PTBP1: variants seen among roughly 807,000 people sequenced by gnomAD.
PTBP1 encodes the protein polypyrimidine tract binding protein 1.
PTBP1 carries 8 observed loss-of-function variants against 59.8 expected under a neutral mutation model. That is an observed-to-expected ratio of 0.13 (90% CI 0.08 to 0.24). The LOEUF is 0.24. Ranked by LOEUF, PTBP1 falls within the 10% of genes least tolerant of loss-of-function variation. The pLI is 1.00. For missense variants in PTBP1, 686 were observed against 767.0 expected (o/e 0.89, Z 1.25); for synonymous variants, 490 against 320.7 (o/e 1.53, Z -5.64).
At chr19:807,017 C>T (rs1295525576) in intron 10 of PTBP1, 1 of 154,356 alleles carries the variant, frequency 6.5e-6, no homozygotes, top group East Asian at 1.9e-4. Context: ...AACAAGAGGC[C>T]CAAAATATGT....
chr19:805,274 CTGCACCAGGGTGA>C, intron 8 of PTBP1, 87 bp downstream of exon 8: 1 of 1,482,968 alleles, frequency 6.7e-7, no homozygotes, highest in Non-Finnish European at 9.2e-7. Flanking sequence ...GGGCCCGGCC[CTGCACCAGGGTGA>C]TGCACCTGCT....
intron 10 of PTBP1, chr19:806,790 T>C: frequency 4.4e-6 from 2 of 457,612 alleles, no homozygotes; most frequent in South Asian, 8.9e-5. Context: ...GCAGAATGAA[T>C]TATTTTTTGG....
At chr19:804,991 C>G (rs937111048) in intron 7 of PTBP1, 22 bp from the exon 8 acceptor site, 6 of 1,612,694 alleles carry the variant, frequency 3.7e-6, no homozygotes, top group Non-Finnish European at 5.1e-6. Flanking sequence ...CCGGCGACGT[C>G]TCACGGTCCC....
Position 799,398 on chromosome 19 carries a change from T to C in PTBP1, c.9-15T>C, listed in dbSNP as rs369703417. ...GCCACCAGGCTAACGTTGTCTCCTT[T>C]CTTTCTCTCTACAGCATTGTCCCAG... On this transcript the variant is annotated splice_polypyrimidine_tract_variant and intron_variant, in intron 1 of 14. Transcript: ENST00000356948. The C allele has an allele frequency of 1.5e-5, 25 of 1,613,568 alleles. No individual in the cohort carries two copies. The highest frequency in any genetic ancestry group is 2.2e-5 in the East Asian group (1 of 44,900).
intron 9 of PTBP1, chr19:806,194 C>A (rs1211011935): frequency 4.0e-6 from 2 of 497,172 alleles, no homozygotes; most frequent in Non-Finnish European, 7.0e-6. Context: ...CCGGCCCGGC[C>A]CGTGCTGTGA....
At chr19:799,033 C>T (rs1275906837) in intron 1 of PTBP1, among the ~76,000 whole-genome samples, 3 of 152,222 alleles carry the variant, frequency 2.0e-5, no homozygotes, top group East Asian at 3.9e-4. Flanking sequence ...TCAGCCTCTC[C>T]GAGGCGTTTC....
At position 811,236 on chromosome 19, in the gene PTBP1, A is replaced by G. The variant is rs551799960; in HGVS notation, c.*410A>G. 4.5e-5 allele frequency: 7 copies of G among 155,800 alleles called. No homozygotes were observed. Among genetic ancestry groups the G allele is most frequent in the Non-Finnish European group, 9.9e-5 (7 of 70,466 alleles). 9.7% of individuals were successfully genotyped at this position (155,800 alleles called of 1,614,324 possible). A position where few individuals can be genotyped will look rare whatever the true frequency, so the allele number is the denominator to read the frequency against. Reference sequence around the variant, plus strand: ...ACCCAAGGGGTGGGGGGGTCACACCAGAGAGAGGCAGGGGGCCTGGCCGGC... The same window carrying G: ...ACCCAAGGGGTGGGGGGGTCACACCGGAGAGAGGCAGGGGGCCTGGCCGGC... On this transcript the variant is annotated 3_prime_UTR_variant, in exon 15 of 15. Coordinates refer to ENST00000356948, the MANE Select transcript of PTBP1 (RefSeq NM_002819.5).
At position 810,924 on chromosome 19, in the gene PTBP1, A is replaced by G; in HGVS notation, c.*98A>G. On this transcript the variant is annotated 3_prime_UTR_variant, in exon 15 of 15. Coordinates refer to ENST00000356948, the MANE Select transcript of PTBP1 (RefSeq NM_002819.5). ...AGCTGAAGTGACCTTAGCAGACCAGAGATTTTATTTTTTTAAAGAGAAATC... is the reference window on the plus strand; with the variant it reads ...AGCTGAAGTGACCTTAGCAGACCAGGGATTTTATTTTTTTAAAGAGAAATC... 8.3e-7 allele frequency: 1 copy of G among 1,211,020 alleles called. No individual in the cohort carries two copies. Among genetic ancestry groups the G allele is most frequent in the Non-Finnish European group, 1.1e-6 (1 of 901,874 alleles). 75.0% of individuals were successfully genotyped at this position (1,211,020 alleles called of 1,614,324 possible).
chr19:802,116 A>G (rs2034361023), intron 2 of PTBP1, among the ~76,000 whole-genome samples: 1 of 151,766 alleles, frequency 6.6e-6, no homozygotes, highest in Non-Finnish European at 1.5e-5. Context: ...TGCTTGTGGG[A>G]TTGGTGGGAG....
At chr19:799,243 C>T (rs2034221509) in intron 1 of PTBP1, 170 bp from the exon 2 acceptor site, 4 of 752,272 alleles carry the variant, frequency 5.3e-6, no homozygotes, top group Middle Eastern at 3.5e-4. Flanking sequence ...GGACGGCTCA[C>T]TTCCCTGCCC....
chr19:809,182 T>C (rs2034729173), intron 13 of PTBP1, among the ~76,000 whole-genome samples: 2 of 152,268 alleles, frequency 1.3e-5, no homozygotes, highest in East Asian at 3.9e-4. Context: ...CTAATTTTTG[T>C]ATTTTTAGTA....
At chr19:804,966 CGCCCTG>C (rs747794719) in intron 7 of PTBP1, 27 bp downstream of exon 7, 16 of 1,612,136 alleles carry the variant, frequency 9.9e-6, no homozygotes, top group Middle Eastern at 1.7e-4. Context: ...GGACGGCGCC[CGCCCTG>C]GCCCTGGCCC....
Position 802,288 on chromosome 19 carries a change from T to C in PTBP1, c.40-1273T>C, listed in dbSNP as rs2034368954. Among the ~76,000 whole-genome samples, 2 of 152,168 alleles carry C rather than the reference T, an allele frequency of 1.3e-5. 1 individual carries two copies. The highest frequency in any genetic ancestry group is 4.8e-5 in the African/African-American group (2 of 41,444). ...GGCAGTCTTCCTTCCAGGAAGCTCT[T>C]GAGCCAGGGCCAGGGCAGGAGTGGA... On this transcript the variant is annotated intron_variant, in intron 2 of 14. Transcript: ENST00000356948.
intron 2 of PTBP1, 41 bp from the exon 3 acceptor site, chr19:803,520 C>G: frequency 6.4e-7 from 1 of 1,574,354 alleles, no homozygotes; most frequent in Non-Finnish European, 8.7e-7. Flanking sequence ...AGGCTCTGGC[C>G]TGGTGGGAAG....
intron 10 of PTBP1, 60 bp downstream of exon 10, chr19:806,616 T>C (rs182769405): frequency 7.0e-7 from 1 of 1,428,596 alleles, no homozygotes; most frequent in East Asian, 2.8e-5. Context: ...GGGGATGTTG[T>C]GCTCGGGCTC....
rs780078225 is a variant in PTBP1, at chr19:810,684, T to A, written c.1542-10T>A. 12 of 1,611,776 alleles carry A rather than the reference T, an allele frequency of 7.4e-6. No individual in the cohort carries two copies. In the Admixed American group the frequency reaches 2.0e-4, roughly 27 times the overall value. On this transcript the variant is annotated splice_polypyrimidine_tract_variant and intron_variant, in intron 14 of 14. Coordinates refer to ENST00000356948, the MANE Select transcript of PTBP1 (RefSeq NM_002819.5). ...TGCCCTGCGGCCGGCCCTGACCCCC[T>A]GTCTTGCAGGAAGGACCGCAAGATG... is the stretch of plus-strand genomic sequence containing the variant.
At position 805,050 on chromosome 19, in the gene PTBP1, C is replaced by T. The variant is rs1298560988; in HGVS notation, c.755C>T (p.Thr252Met). 1.9e-6 allele frequency: 3 copies of T among 1,613,708 alleles called. No homozygotes were observed. Among genetic ancestry groups the T allele is most frequent in the South Asian group, 1.1e-5 (1 of 91,092 alleles). ...DGQNIYNACC[T>M]LRIDFSKLTS... ...CAGAACATCTACAACGCCTGCTGCA[C>T]GCTGCGCATCGACTTTTCCAAGCTC... is the stretch of plus-strand genomic sequence containing the variant. Residue 252 changes from threonine (T) to methionine (M), a missense_variant, in exon 8 of 15, where the codon ACG (threonine) becomes ATG (methionine). By Grantham distance (81) the Thr-to-Met change is moderately conservative. Transcript: ENST00000356948.
intron 9 of PTBP1, chr19:805,878 C>T (rs1028109320): frequency 4.8e-6 from 2 of 415,334 alleles, no homozygotes; most frequent in South Asian, 4.9e-5. Flanking sequence ...AGGGATGTCT[C>T]TAGTAGTTGA....
At chr19:807,307 C>T (rs2034629008) in intron 10 of PTBP1, 1 of 153,446 alleles carries the variant, frequency 6.5e-6, no homozygotes, top group African/African-American at 2.4e-5. Flanking sequence ...TGCTGCAGGG[C>T]TTGGCTGAGG....
Sources: allele counts gnomAD v4.1 joint callset (sites outside exome capture counted in the v4.1 genomes callset), GRCh38; gene constraint gnomAD v4.1.1; transcripts MANE v1.5; gene names NCBI Gene and HGNC (gene_info 2026-07-23, HGNC 2026-07-21).